Variants in CNOT9 observed in about 807,000 individuals in gnomAD.
CNOT9 encodes RCD1 required for cell differentiation1 homolog.
In CNOT9, 8 loss-of-function variants were observed where a neutral mutation model predicts 37.4. That is an observed-to-expected ratio of 0.21 (90% confidence interval 0.13 to 0.39). The LOEUF (loss-of-function observed/expected upper bound fraction) is 0.39. Ranked by LOEUF, CNOT9 falls within the 10% of genes least tolerant of loss-of-function variation. The pLI is 1.00. For synonymous variants in CNOT9, 120 were observed against 137.6 expected (o/e 0.87, Z 0.90); for missense variants, 154 against 365.3 (o/e 0.42, Z 4.71).
intron 1 of CNOT9, among the ~76,000 whole-genome samples, chr2:218,572,018 T>A (rs1198644804): frequency 6.6e-6 from 1 of 150,380 alleles, no homozygotes; most frequent in African/African-American, 2.4e-5. Context: ...TTCTAAAGAT[T>A]AAGTAAGAAT....
intron 1 of CNOT9, among the ~76,000 whole-genome samples, chr2:218,572,178 G>A (rs186197950): frequency 9.2e-5 from 14 of 151,816 alleles, no homozygotes; most frequent in African/African-American, 3.4e-4. Context: ...AAAATTAGCT[G>A]GGCATGGTGG....
chr2:218,574,541 G>C (rs1274555045), intron 1 of CNOT9, among the ~76,000 whole-genome samples: 1 of 152,164 alleles, frequency 6.6e-6, no homozygotes, highest in East Asian at 1.9e-4. Context: ...CTTGAGACCA[G>C]ATAGAACTCA....
rs1167748558 is a variant in CNOT9 at position 218,592,982 on chromosome 2, T to G, written c.731+275T>G. 4.8e-6 allele frequency: 2 copies of G among 416,216 alleles called. No individual in the cohort carries two copies. The highest frequency in any genetic ancestry group is 8.6e-6 in the Non-Finnish European group (2 of 233,342). 25.8% of individuals were successfully genotyped at this position (416,216 alleles called of 1,614,324 possible). On this transcript the variant is annotated intron_variant, in intron 7 of 7. Transcript: ENST00000273064. The surrounding 1 kb of genome is among the most constrained non-coding windows in gnomAD (Gnocchi z 4.1). ...AAACCTTATGATGCATTACTCCTGT[T>G]GTTTGAATTTTCTGTTGCTACTCTA...
At position 218,580,031 on chromosome 2, in the gene CNOT9, C is replaced by T. The variant is rs534007058; in HGVS notation, c.25-530C>T. Among the ~76,000 whole-genome samples, 3 of 150,046 alleles carry T rather than the reference C, an allele frequency of 2.0e-5. No homozygotes were observed. In the South Asian group the frequency reaches 6.3e-4, roughly 32 times the overall value. On this transcript the variant is annotated intron_variant, in intron 1 of 7. Coordinates refer to ENST00000273064, the MANE Select transcript of CNOT9 (RefSeq NM_005444.3). The stretch of plus-strand genomic sequence containing the variant: ...TCGCCCAGGCTGGAGTGCAGTGGCG[C>T]TATCTCGGGTCACTGCAACCTCCAC...
chr2:218,591,243 A>G (rs1694764574), intron 5 of CNOT9, among the ~76,000 whole-genome samples: 1 of 152,188 alleles, frequency 6.6e-6, no homozygotes, highest in Admixed American at 6.5e-5. Flanking sequence ...TGAGCAGCCA[A>G]GAAAGAGTAT....
chr2:218,594,083 G>T (rs762082209), intron 7 of CNOT9, 25 bp from the exon 8 acceptor site: 2 of 1,612,690 alleles, frequency 1.2e-6, no homozygotes, highest in Non-Finnish European at 1.7e-6. Flanking sequence ...GGTCTCCCTG[G>T]TTGGTTTGTT....
chr2:218,581,356 G>C (rs2106087067), intron 2 of CNOT9, among the ~76,000 whole-genome samples: 1 of 150,102 alleles, frequency 6.7e-6, no homozygotes, highest in East Asian at 2.0e-4. Flanking sequence ...ATTTTTAGTA[G>C]ATACGGAGTT....
At position 218,595,174 on chromosome 2, in the gene CNOT9, A is replaced by AG. The variant is rs1480876813; in HGVS notation, c.*902dup. ...TGGAAGGGTATTGTATTGGGAGACAAGGGGCGGTGGTGGACCTCACCTTCA... is the reference window on the plus strand; with the variant it reads ...TGGAAGGGTATTGTATTGGGAGACAAGGGGGCGGTGGTGGACCTCACCTTCA... On this transcript the variant is annotated 3_prime_UTR_variant, in exon 8 of 8. Transcript: ENST00000273064. 6.6e-6 allele frequency: 1 copy of AG among 152,180 alleles called. No homozygotes were observed. The highest frequency in any genetic ancestry group is 1.5e-5 in the Non-Finnish European group (1 of 68,036). 9.4% of individuals were successfully genotyped at this position (152,180 alleles called of 1,614,324 possible).
At chr2:218,573,931 C>T in intron 1 of CNOT9, 3 of 328,588 alleles carry the variant, frequency 9.1e-6, no homozygotes, top group South Asian at 2.3e-5. Context: ...TTTTTTAACA[C>T]ACTTATTAAA....
rs981800435 is a variant in CNOT9 at position 218,595,808 on chromosome 2, C to G, written c.*1532C>G. The G allele has an allele frequency of 6.6e-6, 1 of 151,420 alleles. No homozygotes were observed. Among genetic ancestry groups the G allele is most frequent in the Non-Finnish European group, 1.5e-5 (1 of 67,942 alleles). 9.4% of individuals were successfully genotyped at this position (151,420 alleles called of 1,614,324 possible). ...TTGCCAACACAAGGGCTCTTTCAAG[C>G]CGACTTTCACAAAGAGAGCCGGACT... On this transcript the variant is annotated 3_prime_UTR_variant, in exon 8 of 8. Coordinates refer to ENST00000273064, the MANE Select transcript of CNOT9 (RefSeq NM_005444.3).
chr2:218,593,557 CT>C, intron 7 of CNOT9: 2 of 1,503,048 alleles, frequency 1.3e-6, no homozygotes, highest in South Asian at 1.3e-5. Flanking sequence ...TGCTGGTCAT[CT>C]TTTCAAAGAA....
intron 1 of CNOT9, among the ~76,000 whole-genome samples, chr2:218,580,010 C>G (rs919494301): frequency 6.7e-6 from 1 of 150,348 alleles, no homozygotes; most frequent in African/African-American, 2.5e-5. Flanking sequence ...GCTCTGTCGC[C>G]CAGGCTGGAG....
At position 218,594,961 on chromosome 2, in the gene CNOT9, A is replaced by G. The variant is rs1242482650; in HGVS notation, c.*685A>G. 1 of 152,244 alleles carries G rather than the reference A, an allele frequency of 6.6e-6. No homozygotes were observed. The highest frequency in any genetic ancestry group is 1.5e-5 in the Non-Finnish European group (1 of 68,056). The allele number at this position is 152,244 out of a possible 1,614,324, so 9.4% of individuals were successfully genotyped here. A position where few individuals can be genotyped will look rare whatever the true frequency, so the allele number is the denominator to read the frequency against. On this transcript the variant is annotated 3_prime_UTR_variant, in exon 8 of 8. Transcript: ENST00000273064. ...GAGGGCAGGGGAAAGATGTAAAGCC[A>G]AAGTACAGCAGGAACCCACCACCTG...
chr2:218,579,532 G>A (rs979332245), intron 1 of CNOT9, among the ~76,000 whole-genome samples: 2 of 152,186 alleles, frequency 1.3e-5, no homozygotes, highest in African/African-American at 4.8e-5. Flanking sequence ...TGTCACCCAG[G>A]CTGGAGTGCA....
rs562631317 is a variant in CNOT9 at position 218,592,490 on chromosome 2, C to T, written c.639+88C>T. On this transcript the variant is annotated intron_variant, in intron 6 of 7. Coordinates refer to ENST00000273064, the MANE Select transcript of CNOT9 (RefSeq NM_005444.3). The surrounding 1 kb of genome is among the most constrained non-coding windows in gnomAD (Gnocchi z 4.1). Reference sequence around the variant, plus strand: ...ACTGGCATTGAACAACTTCAGTCCTCTGACTAGAACTAACAATTTTGGAAC... The same window carrying T: ...ACTGGCATTGAACAACTTCAGTCCTTTGACTAGAACTAACAATTTTGGAAC... The T allele has an allele frequency of 1.4e-6, 2 of 1,441,020 alleles. No homozygotes were observed. The highest frequency in any genetic ancestry group is 2.3e-5 in the East Asian group (1 of 44,030). 89.3% of individuals were successfully genotyped at this position (1,441,020 alleles called of 1,614,324 possible). A position where few individuals can be genotyped will look rare whatever the true frequency, so the allele number is the denominator to read the frequency against.
At position 218,583,227 on chromosome 2, in the gene CNOT9, GTGTGTGTCTCTCTCTCTC is replaced by G. The variant is rs1388063148; in HGVS notation, c.320+143_320+160del. 911 of 209,660 alleles carry G rather than the reference GTGTGTGTCTCTCTCTCTC, an allele frequency of 4.3e-3. 1 individual carries two copies. The highest frequency in any genetic ancestry group is 6.7e-3 in the Middle Eastern group (7 of 1,042). 13.0% of individuals were successfully genotyped at this position (209,660 alleles called of 1,614,324 possible). A position where few individuals can be genotyped will look rare whatever the true frequency, so the allele number is the denominator to read the frequency against. The stretch of plus-strand genomic sequence containing the variant: ...TGTGTGTGTGTGTGTGTGTGTGTGT[GTGTGTGTCTCTCTCTCTC>G]TCTCTCTCTCTCTCTCTCTCTCTCT... On this transcript the variant is annotated intron_variant, in intron 3 of 7. Transcript: ENST00000273064.
chr2:218,580,219 A>G (rs1441138104), intron 1 of CNOT9, among the ~76,000 whole-genome samples: 1 of 151,526 alleles, frequency 6.6e-6, no homozygotes, highest in Non-Finnish European at 1.5e-5. Flanking sequence ...CCCACCCAAC[A>G]TGGCCTCCCA....
chr2:218,580,270 CT>C (rs1481751229), intron 1 of CNOT9, among the ~76,000 whole-genome samples: 1 of 152,086 alleles, frequency 6.6e-6, no homozygotes, highest in Non-Finnish European at 1.5e-5. Flanking sequence ...CGCCCGGCCA[CT>C]TTTCTGCTTT....
At position 218,572,590 on chromosome 2, in the gene CNOT9, T is replaced by A. The variant is rs947856098; in HGVS notation, c.24+3612T>A. ...AGGCTGCAGTGAGCCATGATCATGC[T>A]ACCGCACTTCAGCTTAGGCGACATA... On this transcript the variant is annotated intron_variant, in intron 1 of 7. Transcript: ENST00000273064. 16 of 668,694 alleles carry A rather than the reference T, an allele frequency of 2.4e-5. No individual in the cohort carries two copies. In the African/African-American group the frequency reaches 2.7e-4, roughly 11 times the overall value. 41.4% of individuals were successfully genotyped at this position (668,694 alleles called of 1,614,324 possible). A position where few individuals can be genotyped will look rare whatever the true frequency, so the allele number is the denominator to read the frequency against.
Sources: gnomAD v4.1 joint callset for allele counts (sites outside exome capture counted in the v4.1 genomes callset) on GRCh38, gnomAD v4.1.1 for gene constraint, Gnocchi (gnomAD v3.1) non-coding constraint, MANE v1.5 for transcripts, NCBI Gene and HGNC (gene_info 2026-07-23, HGNC 2026-07-21) for gene names.